The following HMG20A variants were observed in gnomAD, a reference collection of about 807,000 sequenced individuals.
The protein encoded by HMG20A is high mobility group 20A.
In HMG20A, 17 loss-of-function variants were observed where a neutral mutation model predicts 43.9. The observed-to-expected ratio is 0.39, with a 90% CI of 0.27 to 0.58. HMG20A has a LOEUF of 0.58. Among genes scored for constraint, HMG20A ranks in the 20% least tolerant of loss-of-function variants. The pLI is 0.59. For missense variants in HMG20A, 341 were observed against 438.2 expected, an observed-to-expected ratio of 0.78 and a Z score of 1.98; for synonymous variants, 132 against 147.5, an observed-to-expected ratio of 0.89 and a Z score of 0.76.
chr15:77,518,950 TG>T, the HMG20A span, among the ~76,000 whole-genome samples: 1 of 152,216 alleles, frequency 6.6e-6, no homozygotes, highest in Non-Finnish European at 1.5e-5. Flanking sequence ...CTAACCTGCT[TG>T]GATGACCTCC....
At position 77,439,675 on chromosome 15, in the gene HMG20A, T is replaced by C. The variant is rs1222365031; in HGVS notation, c.-5+18671T>C. ...TTGGTTCCACTTTGAGGCTATTATT[T>C]AAAAAGCTGCTATGAACATTCGCAT... is the stretch of plus-strand genomic sequence containing the variant. On this transcript the variant is annotated intron_variant, in intron 1 of 9. Transcript: ENST00000336216. Among the ~76,000 whole-genome samples the C allele has an allele frequency of 2.0e-5, 3 of 152,202 alleles. No individual in the cohort carries two copies. In the South Asian group the frequency reaches 6.2e-4, roughly 32 times the overall value.
chr15:77,434,833 G>A (rs1002902586), intron 1 of HMG20A, among the ~76,000 whole-genome samples: 9 of 152,082 alleles, frequency 5.9e-5, no homozygotes, highest in African/African-American at 1.9e-4. Context: ...CAATTTGGCC[G>A]TATATTCCAA....
intron 1 of HMG20A, among the ~76,000 whole-genome samples, chr15:77,456,084 TAAGA>T (rs2072651603): frequency 1.3e-5 from 2 of 152,108 alleles, no homozygotes; most frequent in Admixed American, 1.3e-4. Flanking sequence ...ACAACAAACT[TAAGA>T]GAGGGAAAAT....
At chr15:77,515,927 G>A in the HMG20A span, among the ~76,000 whole-genome samples, 2 of 152,292 alleles carry the variant, frequency 1.3e-5, no homozygotes, top group Middle Eastern at 6.8e-3. Context: ...GGGAGAAGAG[G>A]AGCCTGCAAG....
At chr15:77,499,607 G>A in the HMG20A span, among the ~76,000 whole-genome samples, 1 of 152,040 alleles carries the variant, frequency 6.6e-6, no homozygotes, top group Non-Finnish European at 1.5e-5. Context: ...AGGCCTTTGT[G>A]GGGGTCTTCA....
chr15:77,500,478 C>T, the HMG20A span, among the ~76,000 whole-genome samples: 1 of 152,118 alleles, frequency 6.6e-6, no homozygotes, highest in Non-Finnish European at 1.5e-5. Context: ...TCTCCAAATG[C>T]ATCTCCTGTT....
the HMG20A span, among the ~76,000 whole-genome samples, chr15:77,513,299 G>GTCTCTT: frequency 1.3e-5 from 2 of 152,136 alleles, no homozygotes; most frequent in African/African-American, 4.8e-5. Context: ...AATAATTCCT[G>GTCTCTT]TCTCTTTCTC....
At chr15:77,445,406 A>G (rs943549898) in intron 1 of HMG20A, among the ~76,000 whole-genome samples, 140 of 152,356 alleles carry the variant, frequency 9.2e-4, no homozygotes, top group African/African-American at 3.2e-3. Flanking sequence ...TTTCTCATAC[A>G]GTAGTTCCCC....
intron 4 of HMG20A, among the ~76,000 whole-genome samples, chr15:77,468,359 G>A (rs898034904): frequency 3.3e-5 from 5 of 151,930 alleles, no homozygotes; most frequent in Non-Finnish European, 5.9e-5. Flanking sequence ...CCACTATTAC[G>A]TAGGACAAAG....
At chr15:77,485,638 A>G (rs2072941005), downstream of HMG20A, 1 of 152,434 alleles carries the variant, frequency 6.6e-6, no homozygotes, top group Non-Finnish European at 1.5e-5. Context: ...TTTGTAACAA[A>G]AAGTCCTACC....
intron 1 of HMG20A, among the ~76,000 whole-genome samples, chr15:77,452,965 G>C (rs1311273059): frequency 6.6e-6 from 1 of 152,172 alleles, no homozygotes; most frequent in African/African-American, 2.4e-5. Context: ...GGTGGCTCAC[G>C]CCTATAATCT....
chr15:77,424,088 C>G (rs2073399765), intron 1 of HMG20A, among the ~76,000 whole-genome samples: 1 of 152,076 alleles, frequency 6.6e-6, no homozygotes. Flanking sequence ...AATTTTGCTC[C>G]CTTGGTATTC....
chr15:77,462,485 A>T (rs2072713339), intron 2 of HMG20A, among the ~76,000 whole-genome samples: 1 of 152,036 alleles, frequency 6.6e-6, no homozygotes, highest in Non-Finnish European at 1.5e-5. Context: ...GTCTATCTTT[A>T]TGCCCTTTTG....
chr15:77,473,669 A>G (rs552356083), intron 6 of HMG20A, among the ~76,000 whole-genome samples: 47 of 152,338 alleles, frequency 3.1e-4, no homozygotes, highest in African/African-American at 1.1e-3. Flanking sequence ...ATTATTTGAG[A>G]AGTGAAGGTG....
At chr15:77,468,282 CTT>C (rs1334583402) in intron 4 of HMG20A, among the ~76,000 whole-genome samples, 4 of 151,950 alleles carry the variant, frequency 2.6e-5, no homozygotes, top group Admixed American at 1.3e-4. Flanking sequence ...TCATTATTCT[CTT>C]TTCAGAGAAT....
chr15:77,481,183 T>C (rs1595934168), intron 9 of HMG20A, among the ~76,000 whole-genome samples: 2 of 152,200 alleles, frequency 1.3e-5, no homozygotes, highest in Non-Finnish European at 2.9e-5. Context: ...TACAAGGCAA[T>C]GCATTATATT....
rs911147454 is a variant in HMG20A at position 77,476,962 on chromosome 15, G to A, written c.616-593G>A. On this transcript the variant is annotated intron_variant, in intron 6 of 9. Coordinates refer to ENST00000336216, the MANE Select transcript of HMG20A (RefSeq NM_001304504.2). Reference sequence around the variant, plus strand: ...GAGCCTGGTTATTTCTGATTTCTCGGTCTCATGTGTTTGTTTGTTTATTTT... The same window carrying A: ...GAGCCTGGTTATTTCTGATTTCTCGATCTCATGTGTTTGTTTGTTTATTTT... Among the ~76,000 whole-genome samples the A allele has an allele frequency of 3.6e-4, 55 of 151,944 alleles. 1 individual carries two copies. Among genetic ancestry groups the A allele is most frequent in the African/African-American group, 1.3e-3 (53 of 41,430 alleles).
chr15:77,451,492 T>A (rs2072601895), intron 1 of HMG20A, among the ~76,000 whole-genome samples: 2 of 152,194 alleles, frequency 1.3e-5, no homozygotes, highest in African/African-American at 4.8e-5. Flanking sequence ...ATTGTTTTAA[T>A]TTGCAGTTAT....
intron 1 of HMG20A, among the ~76,000 whole-genome samples, chr15:77,447,325 G>A (rs1040855613): frequency 6.6e-6 from 1 of 152,176 alleles, no homozygotes; most frequent in Non-Finnish European, 1.5e-5. Flanking sequence ...GGAAGAGGAA[G>A]TGTTTTTTAT....
Sources: allele counts gnomAD v4.1 joint callset (sites outside exome capture counted in the v4.1 genomes callset), GRCh38; gene constraint gnomAD v4.1.1; transcripts MANE v1.5; gene names NCBI Gene and HGNC (gene_info 2026-07-23, HGNC 2026-07-21).